The following KDM2A variants were observed in gnomAD, a reference collection of about 807,000 sequenced individuals.
KDM2A encodes the protein lysine demethylase 2A, also known as lysine-specific demethylase 2A.
In KDM2A, 3 loss-of-function variants were observed where a neutral mutation model predicts 137.3. The ratio of observed to expected loss-of-function variants is 0.02; its 90% confidence interval spans 0.01 to 0.06. The LOEUF (loss-of-function observed/expected upper bound fraction) is 0.06, where lower values mean the gene tolerates loss of function less well. Among genes scored for constraint, KDM2A ranks in the 10% least tolerant of loss-of-function variants. The probability of loss-of-function intolerance (pLI) is 1.00; values close to 1 mark genes in which losing one functional copy is unlikely to be tolerated. For missense variants in KDM2A, 738 were observed against 1,510.6 expected (o/e 0.49, Z 8.48); for synonymous variants, 512 against 541.5 (o/e 0.95, Z 0.76).
intron 10 of KDM2A, among the ~76,000 whole-genome samples, chr11:67,225,121 C>T (rs1858499332): frequency 6.6e-6 from 1 of 152,070 alleles, no homozygotes; most frequent in African/African-American, 2.4e-5. Flanking sequence ...AGCCATCACG[C>T]CCGGCGGCTG....
chr11:67,140,361 G>A (rs888229295), intron 2 of KDM2A, among the ~76,000 whole-genome samples: 6 of 151,142 alleles, frequency 4.0e-5, no homozygotes, highest in African/African-American at 1.5e-4. Context: ...GTGAGATCTT[G>A]TCTCAAAAAA....
chr11:67,165,379 C>T (rs1035755256), intron 2 of KDM2A, among the ~76,000 whole-genome samples: 35 of 152,288 alleles, frequency 2.3e-4, no homozygotes, highest in African/African-American at 8.2e-4. Flanking sequence ...ACCTCAGCCT[C>T]CCAAAGTGCT....
intron 2 of KDM2A, among the ~76,000 whole-genome samples, chr11:67,157,396 T>C (rs1856542199): frequency 6.6e-6 from 1 of 151,702 alleles, no homozygotes; most frequent in Non-Finnish European, 1.5e-5. Flanking sequence ...TGTGATTGAC[T>C]TTTTAAGTAG....
At chr11:67,169,380 CTT>C (rs1169905276) in intron 2 of KDM2A, among the ~76,000 whole-genome samples, 18 of 132,598 alleles carry the variant, frequency 1.4e-4, no homozygotes, top group Non-Finnish European at 1.2e-4. Flanking sequence ...CTTTCTTTTT[CTT>C]TTTTTTTTTT....
intron 2 of KDM2A, among the ~76,000 whole-genome samples, chr11:67,151,573 A>G (rs1377929513): frequency 1.3e-5 from 2 of 151,038 alleles, no homozygotes; most frequent in African/African-American, 4.9e-5. Flanking sequence ...CTGGTCTTGA[A>G]CTCCTGACCT....
At chr11:67,251,415 T>G (rs1482401141) in intron 17 of KDM2A, among the ~76,000 whole-genome samples, 3 of 152,178 alleles carry the variant, frequency 2.0e-5, no homozygotes, top group African/African-American at 7.2e-5. Context: ...GGACAGACAC[T>G]TGGGGGAAAA....
intron 2 of KDM2A, among the ~76,000 whole-genome samples, chr11:67,129,053 AG>A (rs1855793054): frequency 6.6e-6 from 1 of 152,226 alleles, no homozygotes; most frequent in Admixed American, 6.5e-5. Flanking sequence ...AGTGCACTCC[AG>A]CTTGGGCTAC....
chr11:67,137,131 A>G (rs1179187717), intron 2 of KDM2A, among the ~76,000 whole-genome samples: 1 of 152,242 alleles, frequency 6.6e-6, no homozygotes, highest in Admixed American at 6.5e-5. Flanking sequence ...GACATGTTTG[A>G]GAAACCTGCC....
chr11:67,179,154 G>A (rs1857032636), intron 2 of KDM2A, among the ~76,000 whole-genome samples: 1 of 152,132 alleles, frequency 6.6e-6, no homozygotes, highest in African/African-American at 2.4e-5. Flanking sequence ...TGACTAATGA[G>A]AATTGAGCAT....
chr11:67,149,617 TCTTTG>T (rs958151739), intron 2 of KDM2A, among the ~76,000 whole-genome samples: 1 of 152,036 alleles, frequency 6.6e-6, no homozygotes, highest in Non-Finnish European at 1.5e-5. Flanking sequence ...CATGTCTTTT[TCTTTG>T]CTTTTATGCA....
chr11:67,208,242 A>T (rs949850439), intron 6 of KDM2A, among the ~76,000 whole-genome samples: 36 of 151,244 alleles, frequency 2.4e-4, no homozygotes, highest in African/African-American at 7.0e-4. Flanking sequence ...TTATTAAAAA[A>T]ATTTTTTTTT....
intron 12 of KDM2A, among the ~76,000 whole-genome samples, chr11:67,232,795 C>A (rs1858755603): frequency 1.3e-5 from 2 of 151,936 alleles, no homozygotes; most frequent in Non-Finnish European, 2.9e-5. Context: ...GCAACCTCCA[C>A]CTCCCGGGTT....
intron 5 of KDM2A, among the ~76,000 whole-genome samples, chr11:67,190,500 C>T (rs1001625929): frequency 6.6e-6 from 1 of 152,104 alleles, no homozygotes; most frequent in African/African-American, 2.4e-5. Flanking sequence ...TGGCTCATTC[C>T]AGTAATCCTA....
At chr11:67,180,056 C>T in intron 2 of KDM2A, 23 bp from the exon 3 acceptor site, 1 of 1,594,796 alleles carries the variant, frequency 6.3e-7, no homozygotes, top group Non-Finnish European at 8.5e-7. Flanking sequence ...ATGATTTCAT[C>T]AGTATGTTCC....
At position 67,157,427 on chromosome 11, in the gene KDM2A, CA is replaced by C. The variant is rs201548514; in HGVS notation, c.43-22645del. 9.4e-3 allele frequency among the ~76,000 whole-genome samples: 1,421 copies of C among 150,658 alleles called. 15 individuals carry two copies. The highest frequency in any genetic ancestry group is 0.017 in the Non-Finnish European group (1,174 of 67,714). On this transcript the variant is annotated intron_variant, in intron 2 of 20. Coordinates refer to ENST00000529006, the MANE Select transcript of KDM2A (RefSeq NM_012308.3). Reference sequence around the variant, plus strand: ...AGTAGTAAACTTTATTTTTTAAAAGCAAAAAAATTCCTGGTTTCTCTTATTA... The same window carrying C: ...AGTAGTAAACTTTATTTTTTAAAAGCAAAAAATTCCTGGTTTCTCTTATTA...
chr11:67,184,544 C>T lies in KDM2A; in HGVS notation c.307+2652C>T, dbSNP rs577140271. On this transcript the variant is annotated intron_variant, in intron 5 of 20. Transcript: ENST00000529006. ...TCAGGAGGCTGAGGCAGGAGAATTG[C>T]TTGAACCGGGAGGCAGAGGTTGCAG... Among the ~76,000 whole-genome samples, 31 of 152,186 alleles carry T rather than the reference C, an allele frequency of 2.0e-4. No homozygotes were observed. The South Asian group carries it at 2.7e-3, about 13-fold the overall frequency.
intron 16 of KDM2A, among the ~76,000 whole-genome samples, chr11:67,248,847 A>G (rs540197525): frequency 3.9e-5 from 6 of 152,296 alleles, no homozygotes; most frequent in Admixed American, 2.0e-4. Context: ...ACATGCCCAA[A>G]TGTGTCATGT....
rs891902560 is a variant in KDM2A, at chr11:67,140,625, C to T, written c.42+19267C>T. Among the ~76,000 whole-genome samples the T allele has an allele frequency of 3.3e-5, 5 of 152,030 alleles. No individual in the cohort carries two copies. In the South Asian group the frequency reaches 6.2e-4, roughly 19 times the overall value. ...AAAATTAGCCAGGCGTTGTGGCAGG[C>T]GCCTGTAATCCCAGCTACTTGGGAG... On this transcript the variant is annotated intron_variant, in intron 2 of 20. Coordinates refer to ENST00000529006, the MANE Select transcript of KDM2A (RefSeq NM_012308.3).
rs1414251671 is a variant in KDM2A, at chr11:67,184,729, T to C, written c.307+2837T>C. On this transcript the variant is annotated intron_variant, in intron 5 of 20. Transcript: ENST00000529006. Reference sequence around the variant, plus strand: ...ACATTAAAGACTAGCACATTCAGAATAGGAAGCGACTGCATATGCACATGG... The same window carrying C: ...ACATTAAAGACTAGCACATTCAGAACAGGAAGCGACTGCATATGCACATGG... 2.0e-5 allele frequency among the ~76,000 whole-genome samples: 3 copies of C among 152,076 alleles called. No individual in the cohort carries two copies. In the East Asian group the frequency reaches 5.8e-4, roughly 29 times the overall value.
Sources: gnomAD v4.1 joint callset for allele counts (sites outside exome capture counted in the v4.1 genomes callset) on GRCh38, gnomAD v4.1.1 for gene constraint, MANE v1.5 for transcripts, NCBI Gene and HGNC (gene_info 2026-07-23, HGNC 2026-07-21) for gene names.